Variants in GPR61 observed in about 807,000 individuals in gnomAD.
GPR61 encodes G protein-coupled receptor 61, also known as G-protein coupled receptor 61.
Under a neutral mutation model 29.2 loss-of-function variants are expected in GPR61, and 15 were observed. That is an observed-to-expected ratio of 0.51 (90% CI 0.34 to 0.79). GPR61 has a LOEUF of 0.79. Ranked by LOEUF, GPR61 falls within the 30% of genes least tolerant of loss-of-function variation. GPR61 has a pLI of 0.01. For synonymous variants in GPR61, 238 were observed against 242.3 expected (o/e 0.98, Z 0.17); for missense variants, 399 against 582.5 (o/e 0.69, Z 3.24).
rs1439456600 is a variant in GPR61 at position 109,547,088 on chromosome 1, C to A, written c.*2710C>A. 1 of 152,212 alleles carries A rather than the reference C, an allele frequency of 6.6e-6. No homozygotes were observed. Among genetic ancestry groups the A allele is most frequent in the Non-Finnish European group, 1.5e-5 (1 of 68,042 alleles). The allele number at this position is 152,212 out of a possible 1,614,324, so 9.4% of individuals were successfully genotyped here. A position where few individuals can be genotyped will look rare whatever the true frequency, so the allele number is the denominator to read the frequency against. ...GGGGTCAGATAGATGTACTTACTCA[C>A]TGTGTGAAGTTGGGAAAGCTGCTTA... On this transcript the variant is annotated 3_prime_UTR_variant, in exon 2 of 2. Transcript: ENST00000527748.
chr1:109,547,214 A>G lies in GPR61; in HGVS notation c.*2836A>G, dbSNP rs1168583665. The G allele has an allele frequency of 6.6e-6, 1 of 152,252 alleles. No individual in the cohort carries two copies. Among genetic ancestry groups the G allele is most frequent in the Non-Finnish European group, 1.5e-5 (1 of 68,048 alleles). The allele number at this position is 152,252 out of a possible 1,614,324, so 9.4% of individuals were successfully genotyped here. Reference sequence around the variant, plus strand: ...TAAGAGATGGGATGTGGGAGCACCTAGCCGTATCTGGCAAATAGGTACTCA... The same window carrying G: ...TAAGAGATGGGATGTGGGAGCACCTGGCCGTATCTGGCAAATAGGTACTCA... On this transcript the variant is annotated 3_prime_UTR_variant, in exon 2 of 2. Coordinates refer to ENST00000527748, the MANE Select transcript of GPR61 (RefSeq NM_001393907.1).
rs1647747915 is a variant in GPR61, at chr1:109,544,651, C to T, written c.*273C>T. ...AAAGGGTCACAAAGGTGAGGTGAAA[C>T]CTCTCAATTGGTGAAATTTCCATGC... On this transcript the variant is annotated 3_prime_UTR_variant, in exon 2 of 2. Transcript: ENST00000527748. The surrounding 1 kb of genome is among the most constrained non-coding windows in gnomAD (Gnocchi z 4.6). 2 of 435,734 alleles carry T rather than the reference C, an allele frequency of 4.6e-6. No homozygotes were observed. The highest frequency in any genetic ancestry group is 3.9e-5 in the African/African-American group (2 of 50,676). 27.0% of individuals were successfully genotyped at this position (435,734 alleles called of 1,614,324 possible).
Position 109,543,564 on chromosome 1 carries a change from G to A in GPR61, c.542G>A (p.Arg181Lys). 1 of 1,614,148 alleles carries A rather than the reference G, an allele frequency of 6.2e-7. No individual in the cohort carries two copies. Among genetic ancestry groups the A allele is most frequent in the South Asian group, 1.1e-5 (1 of 91,082 alleles). Residue 181 changes from arginine to lysine, a missense_variant, in exon 2 of 2, where the codon AGG becomes AAG. Arg to Lys is a conservative substitution (Grantham distance 26, BLOSUM62 2). Transcript: ENST00000527748. The surrounding 1 kb of genome is among the most constrained non-coding windows in gnomAD (Gnocchi z 6.8). ...LAMASVPVLG[R>K]VSWEEGAPSV... ...ATGGCTTCTGTGCCAGTGTTGGGAAGGGTCTCCTGGGAGGAAGGAGCTCCC... is the reference window on the plus strand; with the variant it reads ...ATGGCTTCTGTGCCAGTGTTGGGAAAGGTCTCCTGGGAGGAAGGAGCTCCC...
At position 109,543,876 on chromosome 1, in the gene GPR61, C is replaced by A; in HGVS notation, c.854C>A (p.Ala285Glu). Reference sequence around the variant, plus strand: ...CACCGGACGTTTGGGGGAGGGAAAGCAGCAGTGGTTCTCCTGGCTGTGGGG... The same window carrying A: ...CACCGGACGTTTGGGGGAGGGAAAGAAGCAGTGGTTCTCCTGGCTGTGGGG... ...TPHRTFGGGK[A>E]AVVLLAVGGQ... The change falls in exon 2 of 2, where the codon GCA becomes GAA. Residue 285 changes from alanine (A) to glutamate (E), a missense_variant. Physicochemically the swap from Ala to Glu is moderately radical, Grantham distance 107 (BLOSUM62 -1). This residue lies in a region of GPR61 where 320 missense variants were observed against 459.8 expected (regional missense o/e 0.70). Transcript: ENST00000527748. This position sits in a 1 kb window ranked among gnomAD's most constrained non-coding sequence, Gnocchi z 6.8. 6.2e-7 allele frequency: 1 copy of A among 1,613,436 alleles called. No homozygotes were observed.
At chr1:109,541,464 G>T (rs548050024) in intron 1 of GPR61, among the ~76,000 whole-genome samples, 2 of 152,348 alleles carry the variant, frequency 1.3e-5, no homozygotes, top group East Asian at 3.9e-4. Context: ...AAGTTGGATT[G>T]GTGTAAGGTT....
Position 109,543,783 on chromosome 1 carries a change from A to G in GPR61, c.761A>G (p.Gln254Arg), listed in dbSNP as rs1557898204. ...CCCACGTGGATGGAGACACCCCGGC[A>G]ACGCTCCGAATCTCTCAGCAGCCGC... ...PLPTWMETPR[Q>R]RSESLSSRST... Residue 254 changes from glutamine (Q) to arginine (R), a missense_variant, in exon 2 of 2, where the codon CAA becomes CGA. Around this residue, in one of 3 missense-constraint regions of GPR61, gnomAD observed 320 missense variants for 459.8 expected, o/e 0.70. Coordinates refer to ENST00000527748, the MANE Select transcript of GPR61 (RefSeq NM_001393907.1). This position sits in a 1 kb window ranked among gnomAD's most constrained non-coding sequence, Gnocchi z 6.8. 6.2e-7 allele frequency: 1 copy of G among 1,613,346 alleles called. No individual in the cohort carries two copies. The highest frequency in any genetic ancestry group is 8.5e-7 in the Non-Finnish European group (1 of 1,180,006).
In GPR61 at chr1:109,545,527, G is replaced by A. The variant is rs1055850628; in HGVS notation, c.*1149G>A. On this transcript the variant is annotated 3_prime_UTR_variant, in exon 2 of 2. Transcript: ENST00000527748. The stretch of plus-strand genomic sequence containing the variant: ...CAGCACTGGGTTGGAGAGAGGGCAC[G>A]GGAGTTGGTCTTGGCTGTTCATTGA... 3 of 152,216 alleles carry A rather than the reference G, an allele frequency of 2.0e-5. No homozygotes were observed. Among genetic ancestry groups the A allele is most frequent in the Admixed American group, 6.5e-5 (1 of 15,282 alleles). The allele number at this position is 152,216 out of a possible 1,614,324, so 9.4% of individuals were successfully genotyped here. A position where few individuals can be genotyped will look rare whatever the true frequency, so the allele number is the denominator to read the frequency against.
chr1:109,543,327 C>T lies in GPR61; in HGVS notation c.305C>T (p.Ser102Phe). Residue 102 changes from serine (S) to phenylalanine (F), a missense_variant, in exon 2 of 2, where the codon TCT becomes TTT. Physicochemically the swap from Ser to Phe is radical, Grantham distance 155. This residue lies in a region of GPR61 where 320 missense variants were observed against 459.8 expected (regional missense o/e 0.70). Coordinates refer to ENST00000527748, the MANE Select transcript of GPR61 (RefSeq NM_001393907.1). This position sits in a 1 kb window ranked among gnomAD's most constrained non-coding sequence, Gnocchi z 6.8. The part of the protein sequence containing the change: ...TLMPLAMLSS[S>F]ALFDHALFGE... Reference sequence around the variant, plus strand: ...ATGCCCCTGGCCATGCTCTCCAGCTCTGCCCTCTTTGACCACGCCCTCTTT... The same window carrying T: ...ATGCCCCTGGCCATGCTCTCCAGCTTTGCCCTCTTTGACCACGCCCTCTTT... The T allele has an allele frequency of 6.2e-7, 1 of 1,613,924 alleles. No homozygotes were observed. Among genetic ancestry groups the T allele is most frequent in the Admixed American group, 1.7e-5 (1 of 60,028 alleles).
In GPR61 at chr1:109,543,854, C is replaced by T. The variant is rs746738584; in HGVS notation, c.832C>T (p.Arg278Trp). ...GGGGGCCCCCCAGACCACCCCACAC[C>T]GGACGTTTGGGGGAGGGAAAGCAGC... ...SSGAPQTTPHRTFGGGKAAVV... is the reference protein window; with the variant it reads ...SSGAPQTTPHWTFGGGKAAVV... The change falls in exon 2 of 2, where the codon CGG becomes TGG. Residue 278 changes from arginine to tryptophan, a missense_variant. Physicochemically the swap from Arg to Trp is moderately radical, Grantham distance 101. Coordinates refer to ENST00000527748, the MANE Select transcript of GPR61 (RefSeq NM_001393907.1). The surrounding 1 kb of genome is among the most constrained non-coding windows in gnomAD (Gnocchi z 6.8). The T allele has an allele frequency of 1.7e-5, 27 of 1,613,198 alleles. No individual in the cohort carries two copies. The highest frequency in any genetic ancestry group is 7.7e-5 in the South Asian group (7 of 91,092).
At position 109,544,670 on chromosome 1, in the gene GPR61, T is replaced by C; in HGVS notation, c.*292T>C. The C allele has an allele frequency of 2.6e-6, 1 of 390,018 alleles. No individual in the cohort carries two copies. 24.2% of individuals were successfully genotyped at this position (390,018 alleles called of 1,614,324 possible). A position where few individuals can be genotyped will look rare whatever the true frequency, so the allele number is the denominator to read the frequency against. ...GTGAAACCTCTCAATTGGTGAAATT[T>C]CCATGCTTCCAGAAGCAGGGAATTC... is the stretch of plus-strand genomic sequence containing the variant. On this transcript the variant is annotated 3_prime_UTR_variant, in exon 2 of 2. Transcript: ENST00000527748. This position sits in a 1 kb window ranked among gnomAD's most constrained non-coding sequence, Gnocchi z 4.6.
Position 109,543,003 on chromosome 1 carries a change from G to T in GPR61, c.-20G>T, listed in dbSNP as rs771553077. On this transcript the variant is annotated 5_prime_UTR_variant, in exon 2 of 2. Coordinates refer to ENST00000527748, the MANE Select transcript of GPR61 (RefSeq NM_001393907.1). This position sits in a 1 kb window ranked among gnomAD's most constrained non-coding sequence, Gnocchi z 6.8. ...ATGGGCCTGTGACAGGAGGTACCCTGGGTGCCCTCTTTCGGCCCCATGGAG... is the reference window on the plus strand; with the variant it reads ...ATGGGCCTGTGACAGGAGGTACCCTTGGTGCCCTCTTTCGGCCCCATGGAG... 1 of 1,548,260 alleles carries T rather than the reference G, an allele frequency of 6.5e-7. No individual in the cohort carries two copies. The highest frequency in any genetic ancestry group is 2.3e-5 in the East Asian group (1 of 44,202).
In GPR61 at chr1:109,542,891, A is replaced by G; in HGVS notation, c.-132A>G. On this transcript the variant is annotated 5_prime_UTR_variant, in exon 2 of 2. Coordinates refer to ENST00000527748, the MANE Select transcript of GPR61 (RefSeq NM_001393907.1). The stretch of plus-strand genomic sequence containing the variant: ...CTCTGTACGCAGACAAACCTGCCCA[A>G]GAGGCTCCAGTGGGAGGTGCCCCCT... 7.7e-7 allele frequency: 1 copy of G among 1,298,226 alleles called. No individual in the cohort carries two copies. Among genetic ancestry groups the G allele is most frequent in the Non-Finnish European group, 1.1e-6 (1 of 921,514 alleles). 80.4% of individuals were successfully genotyped at this position (1,298,226 alleles called of 1,614,324 possible).
At position 109,544,771 on chromosome 1, in the gene GPR61, T is replaced by C. The variant is rs1470160596; in HGVS notation, c.*393T>C. 1 of 192,380 alleles carries C rather than the reference T, an allele frequency of 5.2e-6. No homozygotes were observed. Among genetic ancestry groups the C allele is most frequent in the East Asian group, 1.4e-4 (1 of 6,990 alleles). 11.9% of individuals were successfully genotyped at this position (192,380 alleles called of 1,614,324 possible). A position where few individuals can be genotyped will look rare whatever the true frequency, so the allele number is the denominator to read the frequency against. On this transcript the variant is annotated 3_prime_UTR_variant, in exon 2 of 2. Coordinates refer to ENST00000527748, the MANE Select transcript of GPR61 (RefSeq NM_001393907.1). The surrounding 1 kb of genome is among the most constrained non-coding windows in gnomAD (Gnocchi z 4.6). ...ATTCTAGGGGCCATTTAGGATATTT[T>C]ATTTTTCAGTGTAATTGTCCAGGGC...
In GPR61 at chr1:109,542,920, A is replaced by G. The variant is rs1260417371; in HGVS notation, c.-103A>G. The G allele has an allele frequency of 6.6e-7, 1 of 1,519,864 alleles. No individual in the cohort carries two copies. The highest frequency in any genetic ancestry group is 8.9e-7 in the Non-Finnish European group (1 of 1,120,518). The allele number at this position is 1,519,864 out of a possible 1,614,324, so 94.1% of individuals were successfully genotyped here. The stretch of plus-strand genomic sequence containing the variant: ...GCTCCAGTGGGAGGTGCCCCCTACG[A>G]AACCAGGAAGCCTGGGCCTGGGCTC... On this transcript the variant is annotated 5_prime_UTR_variant, in exon 2 of 2. Transcript: ENST00000527748.
intron 1 of GPR61, 113 bp from the exon 2 acceptor site, chr1:109,542,309 A>G (rs141708699): frequency 4.3e-6 from 1 of 231,054 alleles, no homozygotes; most frequent in East Asian, 9.2e-5. Context: ...AGGGTCTGGC[A>G]TGTGGAAAAC....
In GPR61 at chr1:109,546,186, T is replaced by C. The variant is rs981498331; in HGVS notation, c.*1808T>C. On this transcript the variant is annotated 3_prime_UTR_variant, in exon 2 of 2. Transcript: ENST00000527748. ...TTAAATGAAACTGGGCAAACAGCTT[T>C]CCCCCTTTGTTCTAGGAAAATTTCT... The C allele has an allele frequency of 6.6e-6, 1 of 152,150 alleles. No homozygotes were observed. The highest frequency in any genetic ancestry group is 1.5e-5 in the Non-Finnish European group (1 of 68,034). The allele number at this position is 152,150 out of a possible 1,614,324, so 9.4% of individuals were successfully genotyped here. A position where few individuals can be genotyped will look rare whatever the true frequency, so the allele number is the denominator to read the frequency against.
At position 109,543,492 on chromosome 1, in the gene GPR61, G is replaced by T; in HGVS notation, c.470G>T (p.Gly157Val). ...CGCTACGAGGTGCGCATGACGCTGG[G>T]GCTGGTGGCCTCTGTGCTGGTGGGT... Reference protein sequence around the residue: ...PMRYEVRMTLGLVASVLVGVW... With the variant: ...PMRYEVRMTLVLVASVLVGVW... Residue 157 changes from glycine to valine, a missense_variant, in exon 2 of 2, where the codon GGG becomes GTG. This residue lies in a region of GPR61 where 320 missense variants were observed against 459.8 expected (regional missense o/e 0.70). Transcript: ENST00000527748. This position sits in a 1 kb window ranked among gnomAD's most constrained non-coding sequence, Gnocchi z 6.8. The T allele has an allele frequency of 6.2e-7, 1 of 1,614,056 alleles. No homozygotes were observed. The highest frequency in any genetic ancestry group is 8.5e-7 in the Non-Finnish European group (1 of 1,179,972).
At chr1:109,541,219 GCTTT>G (rs1208378515) in intron 1 of GPR61, among the ~76,000 whole-genome samples, 3 of 152,170 alleles carry the variant, frequency 2.0e-5, no homozygotes, top group Non-Finnish European at 4.4e-5. Flanking sequence ...TGTGAAATGA[GCTTT>G]CTGTGTCCCT....
chr1:109,547,112 T>C lies in GPR61; in HGVS notation c.*2734T>C, dbSNP rs1416126875. 6.6e-6 allele frequency: 1 copy of C among 152,344 alleles called. No homozygotes were observed. Among genetic ancestry groups the C allele is most frequent in the East Asian group, 1.9e-4 (1 of 5,186 alleles). The allele number at this position is 152,344 out of a possible 1,614,324, so 9.4% of individuals were successfully genotyped here. A position where few individuals can be genotyped will look rare whatever the true frequency, so the allele number is the denominator to read the frequency against. On this transcript the variant is annotated 3_prime_UTR_variant, in exon 2 of 2. Coordinates refer to ENST00000527748, the MANE Select transcript of GPR61 (RefSeq NM_001393907.1). Reference sequence around the variant, plus strand: ...ACTGTGTGAAGTTGGGAAAGCTGCTTAATTTCTCTGAGCCTACTTCCTCAC... The same window carrying C: ...ACTGTGTGAAGTTGGGAAAGCTGCTCAATTTCTCTGAGCCTACTTCCTCAC...
Sources: allele counts gnomAD v4.1 joint callset (sites outside exome capture counted in the v4.1 genomes callset), GRCh38; gene constraint gnomAD v4.1.1; regional missense constraint gnomAD v4.1.1; non-coding constraint Gnocchi (gnomAD v3.1); transcripts MANE v1.5; gene names NCBI Gene and HGNC (gene_info 2026-07-23, HGNC 2026-07-21).